Variants in SORCS1 observed in about 807,000 individuals in gnomAD.
The protein encoded by SORCS1 is VPS10 domain-containing receptor SorCS1.
In SORCS1, 60 loss-of-function variants were observed where a neutral mutation model predicts 146.1. That is an observed-to-expected ratio of 0.41 (90% CI 0.33 to 0.51). The LOEUF is 0.51. SORCS1 is among the 20% of genes least tolerant of loss of function. SORCS1 has a pLI of 0.21. For missense variants in SORCS1, 1,352 were observed against 1,487.6 expected, an observed-to-expected ratio of 0.91 and a Z score of 1.50; for synonymous variants, 637 against 584.0, an observed-to-expected ratio of 1.09 and a Z score of -1.31.
chr10:107,168,300 T>A (rs1276897290), upstream of SORCS1, among the ~76,000 whole-genome samples: 2 of 152,212 alleles, frequency 1.3e-5, no homozygotes, highest in African/African-American at 4.8e-5. Flanking sequence ...TTCCTGAACC[T>A]CTGCCTACAG....
chr10:107,057,560 G>A (rs185028918), intron 1 of SORCS1, among the ~76,000 whole-genome samples: 8 of 152,144 alleles, frequency 5.3e-5, no homozygotes, highest in African/African-American at 1.9e-4. Context: ...AAGCCAGATA[G>A]AGTTTCCACA....
intron 1 of SORCS1, among the ~76,000 whole-genome samples, chr10:107,015,817 T>C (rs1465611119): frequency 3.9e-5 from 6 of 152,286 alleles, no homozygotes; most frequent in Admixed American, 6.5e-5. Flanking sequence ...AGAAGCAACT[T>C]TGGAATAGAA....
intron 1 of SORCS1, among the ~76,000 whole-genome samples, chr10:107,015,876 A>G (rs76791279): frequency 0.089 from 13,524 of 152,252 alleles, 1,692 homozygotes; most frequent in African/African-American, 0.28. Flanking sequence ...CATATTGGGT[A>G]TAATGTAAAT....
In SORCS1 at chr10:106,728,278, C is replaced by A. The variant is rs61868392; in HGVS notation, c.1024+1772G>T. 4.8e-3 allele frequency among the ~76,000 whole-genome samples: 714 copies of A among 149,320 alleles called. 10 individuals are homozygous for A. In the East Asian group the frequency reaches 0.08, roughly 17 times the overall value. On this transcript the variant is annotated intron_variant, in intron 6 of 25. Transcript: ENST00000263054. The stretch of plus-strand genomic sequence containing the variant: ...ATCTCCAGTAAGCAAGACTTTTAAA[C>A]AATGATGTGTTTACTTTTGCATTAA...
At chr10:107,145,447 A>C (rs895265511) in intron 1 of SORCS1, among the ~76,000 whole-genome samples, 3 of 152,214 alleles carry the variant, frequency 2.0e-5, no homozygotes, top group Non-Finnish European at 2.9e-5. Flanking sequence ...TTCTTTCTTG[A>C]TGGTGGTCCA....
intron 21 of SORCS1, among the ~76,000 whole-genome samples, chr10:106,612,289 G>C (rs1354843017): frequency 6.6e-6 from 1 of 151,732 alleles, no homozygotes; most frequent in African/African-American, 2.4e-5. Context: ...ACAGAGGGAG[G>C]GGGCTACAAA....
intron 1 of SORCS1, among the ~76,000 whole-genome samples, chr10:107,017,708 T>A (rs1280579995): frequency 6.6e-6 from 1 of 152,222 alleles, no homozygotes; most frequent in African/African-American, 2.4e-5. Context: ...CAGGCTGGAG[T>A]GCATTAGCAC....
At chr10:106,978,368 C>T (rs1027682026) in intron 1 of SORCS1, among the ~76,000 whole-genome samples, 3 of 152,092 alleles carry the variant, frequency 2.0e-5, no homozygotes, top group African/African-American at 4.8e-5. Flanking sequence ...CCCTAGGAGT[C>T]TTTATGTGTA....
At chr10:106,892,041 C>T (rs1026601369) in intron 2 of SORCS1, among the ~76,000 whole-genome samples, 1 of 152,186 alleles carries the variant, frequency 6.6e-6, no homozygotes, top group East Asian at 1.9e-4. Context: ...TACATTTGCA[C>T]GTGACCCTAA....
chr10:106,733,445 TG>T (rs1856749673), intron 5 of SORCS1, among the ~76,000 whole-genome samples: 1 of 152,228 alleles, frequency 6.6e-6, no homozygotes, highest in African/African-American at 2.4e-5. Flanking sequence ...CAATCAATGC[TG>T]AATGTCTGTA....
Position 106,679,308 on chromosome 10 carries a change from T to A in SORCS1, c.1688A>T (p.Asp563Val). The change falls in exon 12 of 26, where the codon GAC becomes GTC. Residue 563 changes from aspartate (D) to valine (V), a missense_variant. By Grantham distance (152) the Asp-to-Val change is radical. Coordinates refer to ENST00000263054, the MANE Select transcript of SORCS1 (RefSeq NM_052918.5). ...AGAGACAAACATGCTGATGTCAGTG[T>A]CTGACAATTCAGAACCTATATTACC... Reference protein sequence around the residue: ...ASGNIGSELSDTDISMFVSSD... With the variant: ...ASGNIGSELSVTDISMFVSSD... 6.2e-7 allele frequency: 1 copy of A among 1,613,112 alleles called. No individual in the cohort carries two copies. Among genetic ancestry groups the A allele is most frequent in the Non-Finnish European group, 8.5e-7 (1 of 1,179,304 alleles).
In SORCS1 at chr10:106,780,773, C is replaced by G. The variant is rs149892869; in HGVS notation, c.727-4081G>C. Reference sequence around the variant, plus strand: ...AGTGATTAGAACCAGTTTACTTATGCCTTGCAGGGTGTGCCGACTGACTGC... The same window carrying G: ...AGTGATTAGAACCAGTTTACTTATGGCTTGCAGGGTGTGCCGACTGACTGC... On this transcript the variant is annotated intron_variant, in intron 3 of 25. Coordinates refer to ENST00000263054, the MANE Select transcript of SORCS1 (RefSeq NM_052918.5). 2.3e-3 allele frequency among the ~76,000 whole-genome samples: 356 copies of G among 152,252 alleles called. 4 individuals carry two copies. The highest frequency in any genetic ancestry group is 8.2e-3 in the African/African-American group (340 of 41,524).
chr10:106,812,145 C>A (rs975885339), intron 3 of SORCS1, among the ~76,000 whole-genome samples: 2 of 152,028 alleles, frequency 1.3e-5, no homozygotes, highest in Non-Finnish European at 2.9e-5. Flanking sequence ...GGACTACAGG[C>A]GCCCGCCACT....
intron 17 of SORCS1, among the ~76,000 whole-genome samples, chr10:106,657,657 CTATATG>C (rs1850402208): frequency 1.8e-5 from 1 of 57,124 alleles, no homozygotes; most frequent in East Asian, 5.2e-4. Context: ...ATATATAACA[CTATATG>C]TGTGTGTGTG....
At chr10:106,918,403 T>C (rs916356545) in intron 2 of SORCS1, among the ~76,000 whole-genome samples, 4 of 152,118 alleles carry the variant, frequency 2.6e-5, no homozygotes, top group Non-Finnish European at 5.9e-5. Context: ...GACCTGGTGA[T>C]CCACCCGCCT....
intron 2 of SORCS1, among the ~76,000 whole-genome samples, chr10:106,937,037 C>T (rs895501072): frequency 2.0e-5 from 3 of 152,150 alleles, no homozygotes; most frequent in Admixed American, 1.3e-4. Context: ...TGTGTCCCCA[C>T]CCAAATCTCA....
At chr10:106,928,914 T>G (rs1318037273) in intron 2 of SORCS1, among the ~76,000 whole-genome samples, 1 of 37,734 alleles carries the variant, frequency 2.7e-5, no homozygotes, top group Non-Finnish European at 1.0e-4. Flanking sequence ...TATATATACC[T>G]ATATATATAT....
intron 1 of SORCS1, among the ~76,000 whole-genome samples, chr10:107,155,595 C>T (rs72814917): frequency 0.065 from 9,884 of 152,222 alleles, 342 homozygotes; most frequent in Non-Finnish European, 0.078. Context: ...CCAAAATAGC[C>T]TTTTTCCCTT....
chr10:107,124,127 C>T (rs35742525), intron 1 of SORCS1, among the ~76,000 whole-genome samples: 32,537 of 151,150 alleles, frequency 0.22, 4,516 homozygotes, highest in Middle Eastern at 0.33. Context: ...ACAATGCAAA[C>T]TGTGAAGGTT....
Sources: allele counts gnomAD v4.1 joint callset (sites outside exome capture counted in the v4.1 genomes callset), GRCh38; gene constraint gnomAD v4.1.1; transcripts MANE v1.5; gene names NCBI Gene and HGNC (gene_info 2026-07-23, HGNC 2026-07-21).